Variants in ANXA4 observed in about 807,000 individuals in gnomAD.
ANXA4 encodes annexin A4.
Under a neutral mutation model 49.8 loss-of-function variants are expected in ANXA4, and 39 were observed. The ratio of observed to expected loss-of-function variants is 0.78; its 90% CI spans 0.61 to 1.02. The LOEUF (loss-of-function observed/expected upper bound fraction) is 1.02, where lower values mean the gene tolerates loss of function less well. ANXA4 is among the 50% of genes least tolerant of loss of function. ANXA4 has a pLI of 0.00. For missense variants in ANXA4, 360 were observed against 410.1 expected (o/e 0.88, Z 1.05); for synonymous variants, 134 against 152.5 (o/e 0.88, Z 0.89).
At chr2:69,719,814 G>A (rs909132611) in intron 2 of ANXA4, among the ~76,000 whole-genome samples, 2 of 152,022 alleles carry the variant, frequency 1.3e-5, no homozygotes, top group Non-Finnish European at 2.9e-5. Context: ...TTTTAGTAGA[G>A]ATGGGGTCTC....
intron 8 of ANXA4, among the ~76,000 whole-genome samples, chr2:69,814,632 A>C (rs1356581438): frequency 6.6e-6 from 1 of 152,126 alleles, no homozygotes; most frequent in Non-Finnish European, 1.5e-5. Flanking sequence ...TACAGGCATG[A>C]GCCACCGTGC....
rs574109229 is a variant in ANXA4, at chr2:69,802,993, T to C, written c.98-1540T>C. Among the ~76,000 whole-genome samples the C allele has an allele frequency of 2.0e-5, 3 of 151,632 alleles. No individual in the cohort carries two copies. The East Asian group carries it at 5.9e-4, about 30-fold the overall frequency. Reference sequence around the variant, plus strand: ...AGGTGGATCGCCTGAGGTCAGGAGTTCAAGACCAGCCTGGTCAACATGGTG... The same window carrying C: ...AGGTGGATCGCCTGAGGTCAGGAGTCCAAGACCAGCCTGGTCAACATGGTG... On this transcript the variant is annotated intron_variant, in intron 3 of 12. Transcript: ENST00000394295.
intron 2 of ANXA4, among the ~76,000 whole-genome samples, chr2:69,716,755 T>C (rs914949509): frequency 6.6e-6 from 1 of 152,172 alleles, no homozygotes; most frequent in African/African-American, 2.4e-5. Context: ...ACTTGGTCAT[T>C]GGCCAGAGGG....
intron 2 of ANXA4, among the ~76,000 whole-genome samples, chr2:69,719,282 TTTTTG>T: frequency 6.9e-6 from 1 of 145,066 alleles, no homozygotes; most frequent in Non-Finnish European, 1.5e-5. Context: ...TTTTTTTTTT[TTTTTG>T]AGGCAGGGTC....
At chr2:69,810,544 A>G (rs1360395972) in intron 6 of ANXA4, 50 bp from the exon 7 acceptor site, 21 of 1,499,418 alleles carry the variant, frequency 1.4e-5, no homozygotes, top group Non-Finnish European at 1.8e-5. Flanking sequence ...GTGACAGGGC[A>G]TTGGGCAAGA....
chr2:69,785,500 T>C (rs2103687278), intron 2 of ANXA4, among the ~76,000 whole-genome samples: 1 of 152,268 alleles, frequency 6.6e-6, no homozygotes, highest in African/African-American at 2.4e-5. Context: ...AAGAAATAGA[T>C]AAAAGAATCT....
chr2:69,786,055 T>C (rs936043878), intron 2 of ANXA4, among the ~76,000 whole-genome samples: 1 of 152,230 alleles, frequency 6.6e-6, no homozygotes, highest in African/African-American at 2.4e-5. Context: ...GTATAACCAA[T>C]TGTCTTTTTG....
At chr2:69,723,017 C>CA (rs139818407) in intron 3 of ANXA4, among the ~76,000 whole-genome samples, 32,767 of 145,286 alleles carry the variant, frequency 0.23, 4,136 homozygotes, top group East Asian at 0.34. Context: ...CTAAAAATAC[C>CA]AAAAAATATA....
At position 69,798,075 on chromosome 2, in the gene ANXA4, G is replaced by A. The variant is rs371225377; in HGVS notation, c.98-6458G>A. 1.4e-4 allele frequency among the ~76,000 whole-genome samples: 22 copies of A among 152,282 alleles called. No individual in the cohort carries two copies. The East Asian group carries it at 1.9e-3, about 13-fold the overall frequency. Reference sequence around the variant, plus strand: ...GCCTCATAGAGGGGCTATCCGGTCCGACTGGACAGTGCTGGTTCCTCACAT... The same window carrying A: ...GCCTCATAGAGGGGCTATCCGGTCCAACTGGACAGTGCTGGTTCCTCACAT... On this transcript the variant is annotated intron_variant, in intron 3 of 12. Transcript: ENST00000394295.
At position 69,656,269 on chromosome 2, in the gene ANXA4, G is replaced by A. The variant is rs1409813804; in HGVS notation, n.766+2987G>A. ...TATATATGTATATACGTATATATAT[G>A]TATATACGTATATATATACATATAT... On this transcript the variant is annotated intron_variant and non_coding_transcript_variant, in intron 2 of 3. Coordinates refer to the ANXA4 transcript ENST00000418066. Among the ~76,000 whole-genome samples, 7 of 116,298 alleles carry A rather than the reference G, an allele frequency of 6.0e-5. No individual in the cohort carries two copies. The East Asian group carries it at 3.7e-3, about 61-fold the overall frequency. 76.3% of individuals were successfully genotyped at this position (116,298 alleles called of 152,430 possible). A position where few individuals can be genotyped will look rare whatever the true frequency, so the allele number is the denominator to read the frequency against.
chr2:69,764,192 TTGGGG>T (rs1277203677), intron 1 of ANXA4, among the ~76,000 whole-genome samples: 1 of 152,208 alleles, frequency 6.6e-6, no homozygotes, highest in Admixed American at 6.5e-5. Flanking sequence ...GATGAACGTC[TTGGGG>T]TTCCTGTGTG....
intron 1 of ANXA4, among the ~76,000 whole-genome samples, chr2:69,775,495 A>T (rs1196216590): frequency 6.6e-6 from 1 of 152,206 alleles, no homozygotes; most frequent in African/African-American, 2.4e-5. Context: ...ATCACCCAGG[A>T]TAGAAATCAA....
intron 1 of ANXA4, among the ~76,000 whole-genome samples, chr2:69,766,906 G>C (rs1352759491): frequency 6.6e-6 from 1 of 152,038 alleles, no homozygotes; most frequent in Non-Finnish European, 1.5e-5. Context: ...ATCCAATCTG[G>C]GAGAAATGCA....
upstream of ANXA4, among the ~76,000 whole-genome samples, chr2:69,644,140 G>A (rs895606250): frequency 2.4e-5 from 3 of 124,236 alleles, no homozygotes; most frequent in South Asian, 2.4e-4. Flanking sequence ...AACACATCCC[G>A]TGAAGAAACT....
intron 1 of ANXA4, among the ~76,000 whole-genome samples, chr2:69,651,862 C>T (rs1209906074): frequency 8.0e-6 from 1 of 125,032 alleles, no homozygotes; most frequent in Non-Finnish European, 1.6e-5. Flanking sequence ...GTTGACCAGG[C>T]TGGAGTGCAG....
intron 3 of ANXA4, among the ~76,000 whole-genome samples, chr2:69,789,115 G>C (rs1246426248): frequency 6.6e-6 from 1 of 152,206 alleles, no homozygotes; most frequent in Non-Finnish European, 1.5e-5. Flanking sequence ...TAGTGCTGGT[G>C]TGTATATGGT....
At chr2:69,690,292 G>T (rs1677917027) in intron 2 of ANXA4, among the ~76,000 whole-genome samples, 1 of 152,114 alleles carries the variant, frequency 6.6e-6, no homozygotes, top group Admixed American at 6.6e-5. Context: ...AGGCTGGAGT[G>T]CAGTTGTGCT....
upstream of ANXA4, among the ~76,000 whole-genome samples, chr2:69,738,346 G>C (rs1413354683): frequency 1.3e-5 from 2 of 152,134 alleles, no homozygotes; most frequent in Non-Finnish European, 2.9e-5. Flanking sequence ...AGCCTGGTGA[G>C]TTTGAACTTG....
chr2:69,781,457 C>G (rs1348416207), intron 1 of ANXA4, 63 bp from the exon 2 acceptor site: 2 of 1,378,800 alleles, frequency 1.5e-6, no homozygotes, highest in South Asian at 1.2e-5. Context: ...GCAAGTTATC[C>G]TGATTAATGA....
Sources: allele counts gnomAD v4.1 joint callset (sites outside exome capture counted in the v4.1 genomes callset), GRCh38; gene constraint gnomAD v4.1.1; transcripts MANE v1.5; gene names NCBI Gene and HGNC (gene_info 2026-07-23, HGNC 2026-07-21).